CBR4: variants seen among roughly 807,000 people sequenced by gnomAD.
The protein encoded by CBR4 is 3-oxoacyl-[acyl-carrier-protein] reductase.
CBR4 carries 22 observed loss-of-function variants against 21.0 expected under a neutral mutation model. The ratio of observed to expected loss-of-function variants is 1.05; its 90% CI spans 0.75 to 1.50. CBR4 has a LOEUF of 1.50. CBR4 is among the 40% of genes most tolerant of loss of function. CBR4 has a pLI of 0.00. For synonymous variants in CBR4, 100 were observed against 104.4 expected, an observed-to-expected ratio of 0.96 and a Z score of 0.26; for missense variants, 302 against 286.3, an observed-to-expected ratio of 1.05 and a Z score of -0.40.
intron 2 of CBR4, among the ~76,000 whole-genome samples, chr4:168,930,219 T>G (rs72704240): frequency 0.088 from 13,391 of 152,248 alleles, 707 homozygotes; most frequent in Middle Eastern, 0.2. Context: ...ATTTGTTTTA[T>G]GTATTTTATG....
chr4:169,007,566 A>T, intron 2 of CBR4, 70 bp downstream of exon 2: 1 of 942,220 alleles, frequency 1.1e-6, no homozygotes, highest in Non-Finnish European at 1.5e-6. Flanking sequence ...AACTTATACC[A>T]ATCAAAGACA....
intron 2 of CBR4, among the ~76,000 whole-genome samples, chr4:168,963,710 T>C (rs1030866249): frequency 6.6e-6 from 1 of 152,030 alleles, no homozygotes; most frequent in African/African-American, 2.4e-5. Context: ...CCTCTGGTGA[T>C]CTGCCCACCT....
At chr4:168,929,784 G>A (rs1008562513) in intron 2 of CBR4, among the ~76,000 whole-genome samples, 3 of 152,150 alleles carry the variant, frequency 2.0e-5, no homozygotes, top group Admixed American at 1.3e-4. Context: ...TTGTGCTGCT[G>A]TGAAGATTAT....
intron 2 of CBR4, among the ~76,000 whole-genome samples, chr4:168,967,083 G>A (rs937198549): frequency 4.0e-5 from 6 of 151,634 alleles, no homozygotes; most frequent in Middle Eastern, 3.5e-3. Context: ...ACTGTTCACA[G>A]TAGCAAAGAC....
At chr4:168,969,207 C>A (rs1764132240) in intron 2 of CBR4, among the ~76,000 whole-genome samples, 1 of 152,218 alleles carries the variant, frequency 6.6e-6, no homozygotes, top group South Asian at 2.1e-4. Flanking sequence ...GGTTGGACAG[C>A]TGCTCTGTGT....
At chr4:168,925,176 A>G in intron 2 of CBR4, 1 of 1,575,038 alleles carries the variant, frequency 6.3e-7, no homozygotes, top group Non-Finnish European at 8.7e-7. Flanking sequence ...ATAAACAACT[A>G]TTGTGTTTTA....
At chr4:168,931,133 G>A (rs1434268236) in intron 2 of CBR4, among the ~76,000 whole-genome samples, 1 of 152,158 alleles carries the variant, frequency 6.6e-6, no homozygotes, top group Non-Finnish European at 1.5e-5. Context: ...GAACTTCCAG[G>A]CAGAGAAACA....
chr4:168,902,801 G>A (rs1302935444), intron 2 of CBR4, among the ~76,000 whole-genome samples: 1 of 151,962 alleles, frequency 6.6e-6, no homozygotes. Context: ...TTTGAGACAG[G>A]GCCTCAGTCA....
chr4:168,981,240 A>G (rs529113767), intron 2 of CBR4, among the ~76,000 whole-genome samples: 1 of 152,216 alleles, frequency 6.6e-6, no homozygotes, highest in East Asian at 1.9e-4. Context: ...TCTCTACTAA[A>G]AATGCAAAAA....
chr4:168,928,449 TCA>T (rs1560947869), intron 2 of CBR4: 2 of 177,670 alleles, frequency 1.1e-5, no homozygotes, highest in South Asian at 4.0e-4. Flanking sequence ...AAATAAATAT[TCA>T]GTTTTAGTTT....
chr4:168,946,544 C>A (rs1763399877), intron 2 of CBR4, among the ~76,000 whole-genome samples: 1 of 152,140 alleles, frequency 6.6e-6, no homozygotes, highest in African/African-American at 2.4e-5. Flanking sequence ...TTTTATTAAG[C>A]TGGACATTAA....
At chr4:168,957,546 G>A (rs993410857) in intron 2 of CBR4, among the ~76,000 whole-genome samples, 7 of 152,036 alleles carry the variant, frequency 4.6e-5, no homozygotes, top group Admixed American at 1.3e-4. Flanking sequence ...ATACACCCAC[G>A]AAACTGCTAC....
intron 2 of CBR4, among the ~76,000 whole-genome samples, chr4:168,959,142 T>C (rs1763770911): frequency 6.6e-6 from 1 of 152,192 alleles, no homozygotes; most frequent in Admixed American, 6.5e-5. Flanking sequence ...TTGTCCTACA[T>C]TTTCTTCCAG....
chr4:168,935,791 C>A (rs1763095460), intron 2 of CBR4, among the ~76,000 whole-genome samples: 1 of 152,204 alleles, frequency 6.6e-6, no homozygotes, highest in African/African-American at 2.4e-5. Flanking sequence ...ACTCCCATCT[C>A]CCTGAGACAC....
chr4:168,981,360 C>G (rs1412168223), intron 2 of CBR4, among the ~76,000 whole-genome samples: 1 of 152,084 alleles, frequency 6.6e-6, no homozygotes, highest in Non-Finnish European at 1.5e-5. Flanking sequence ...GATCGCATCA[C>G]TGCACTCCTA....
rs115492454 is a variant in CBR4, at chr4:168,897,796, A to G, written n.170-3031T>C. Reference sequence around the variant, plus strand: ...CAAGGAAATTGTAGGATCCACCGTAATCACCACAGGAATGTTGATGGGTTG... The same window carrying G: ...CAAGGAAATTGTAGGATCCACCGTAGTCACCACAGGAATGTTGATGGGTTG... On this transcript the variant is annotated intron_variant and non_coding_transcript_variant, in intron 2 of 3. Transcript: ENST00000509108. 2.4e-3 allele frequency among the ~76,000 whole-genome samples: 365 copies of G among 151,854 alleles called. 1 individual carries two copies. The highest frequency in any genetic ancestry group is 8.6e-3 in the African/African-American group (357 of 41,416).
At chr4:168,908,540 C>A (rs1436346992) in intron 2 of CBR4, among the ~76,000 whole-genome samples, 3 of 151,990 alleles carry the variant, frequency 2.0e-5, no homozygotes, top group Non-Finnish European at 4.4e-5. Flanking sequence ...ATATAGTAAT[C>A]CCAAAAGCAT....
chr4:168,969,565 G>A (rs1764142873), intron 2 of CBR4, among the ~76,000 whole-genome samples: 1 of 152,160 alleles, frequency 6.6e-6, no homozygotes. Context: ...GAGTTCAACA[G>A]ATTCAAAGCA....
intron 2 of CBR4, among the ~76,000 whole-genome samples, chr4:168,934,292 A>AAAAAAAAAAC (rs1763049208): frequency 6.7e-6 from 1 of 149,164 alleles, no homozygotes; most frequent in African/African-American, 2.4e-5. Context: ...CAAAAAAAAA[A>AAAAAAAAAAC]AAAAAAAAAA....
Sources: gnomAD v4.1 joint callset for allele counts (sites outside exome capture counted in the v4.1 genomes callset) on GRCh38, gnomAD v4.1.1 for gene constraint, MANE v1.5 for transcripts, NCBI Gene and HGNC (gene_info 2026-07-23, HGNC 2026-07-21) for gene names.